Variants in PLSCR2 observed in about 807,000 individuals in gnomAD.
PLSCR2 encodes the protein PL scramblase 2.
PLSCR2 carries 18 observed loss-of-function variants against 25.3 expected under a neutral mutation model. The ratio of observed to expected loss-of-function variants is 0.71; its 90% CI spans 0.49 to 1.06. The LOEUF is 1.06. PLSCR2 is among the 50% of genes least tolerant of loss of function. PLSCR2 has a pLI of 0.00. For missense variants in PLSCR2, 243 were observed against 269.5 expected, an observed-to-expected ratio of 0.90 and a Z score of 0.69; for synonymous variants, 88 against 87.3, an observed-to-expected ratio of 1.01 and a Z score of -0.04.
chr3:146,447,552 A>AG (rs561751293), intron 6 of PLSCR2, among the ~76,000 whole-genome samples: 1 of 152,070 alleles, frequency 6.6e-6, no homozygotes, highest in Non-Finnish European at 1.5e-5. Context: ...ATTCTACTGT[A>AG]GGGGGGTGGT....
exon 2 of PLSCR2, chr3:146,459,954 G>A (rs1373620121): frequency 1.2e-6 from 2 of 1,614,136 alleles, no homozygotes; most frequent in Non-Finnish European, 1.7e-6. Context: ...AGGAATGCCA[G>A]CTGTGCCAGC....
intron 1 of PLSCR2, among the ~76,000 whole-genome samples, chr3:146,482,050 T>G (rs767592605): frequency 6.6e-6 from 1 of 152,170 alleles, no homozygotes; most frequent in Non-Finnish European, 1.5e-5. Flanking sequence ...CTGGATCCCT[T>G]CCTTACACCT....
intron 2 of PLSCR2, among the ~76,000 whole-genome samples, chr3:146,418,142 A>G (rs1447344746): frequency 6.6e-6 from 1 of 152,126 alleles, no homozygotes; most frequent in Non-Finnish European, 1.5e-5. Flanking sequence ...ACCTTTTTTC[A>G]TCTAGGTAAT....
intron 2 of PLSCR2, among the ~76,000 whole-genome samples, chr3:146,406,379 TC>T (rs1199574490): frequency 6.6e-6 from 1 of 152,126 alleles, no homozygotes; most frequent in Non-Finnish European, 1.5e-5. Context: ...GGTCGATACT[TC>T]CTGCTCCTGG....
At chr3:146,400,970 G>T (rs2038452027) in intron 2 of PLSCR2, among the ~76,000 whole-genome samples, 1 of 151,846 alleles carries the variant, frequency 6.6e-6, no homozygotes, top group Admixed American at 6.6e-5. Context: ...GGGAAAAAAT[G>T]GATCTCAACA....
chr3:146,452,129 T>G (rs1358724536), intron 5 of PLSCR2, among the ~76,000 whole-genome samples: 1 of 152,188 alleles, frequency 6.6e-6, no homozygotes, highest in East Asian at 1.9e-4. Context: ...ACTGAGACCT[T>G]AAACTGTGGT....
chr3:146,414,885 A>G (rs980089890), intron 2 of PLSCR2, among the ~76,000 whole-genome samples: 14 of 152,340 alleles, frequency 9.2e-5, no homozygotes, highest in African/African-American at 3.4e-4. Context: ...AGCATACTAA[A>G]AGGGCAGACC....
At chr3:146,439,142 C>G (rs1414353277), downstream of PLSCR2, among the ~76,000 whole-genome samples, 1 of 152,194 alleles carries the variant, frequency 6.6e-6, no homozygotes. Flanking sequence ...GCCGAGAGAT[C>G]TGCTGTTAGT....
intron 2 of PLSCR2, among the ~76,000 whole-genome samples, chr3:146,416,293 T>G: frequency 6.6e-6 from 1 of 152,220 alleles, no homozygotes; most frequent in East Asian, 1.9e-4. Flanking sequence ...AGGAAATAAA[T>G]TTGTATGTAA....
intron 1 of PLSCR2, among the ~76,000 whole-genome samples, chr3:146,495,211 C>T (rs533707321): frequency 6.6e-6 from 1 of 152,202 alleles, no homozygotes; most frequent in South Asian, 2.1e-4. Context: ...CTATGGCATT[C>T]GTTTTTCTTC....
chr3:146,471,912 A>G (rs566374476), intron 1 of PLSCR2, among the ~76,000 whole-genome samples: 2 of 152,264 alleles, frequency 1.3e-5, no homozygotes, highest in South Asian at 4.1e-4. Flanking sequence ...AACTTATTTA[A>G]GGTTGCTTTC....
intron 3 of PLSCR2, among the ~76,000 whole-genome samples, chr3:146,393,577 G>A (rs563033351): frequency 4.0e-5 from 6 of 151,658 alleles, no homozygotes; most frequent in Non-Finnish European, 4.4e-5. Context: ...TTGGGAGGCC[G>A]AGGCGGGCAG....
chr3:146,440,109 T>G (rs1020167965), downstream of PLSCR2, among the ~76,000 whole-genome samples: 3 of 152,090 alleles, frequency 2.0e-5, no homozygotes, highest in African/African-American at 7.2e-5. Context: ...GAACGGCAAA[T>G]GTTGCTGCCT....
At chr3:146,422,345 CAA>C (rs2039181425) in intron 2 of PLSCR2, among the ~76,000 whole-genome samples, 1 of 152,074 alleles carries the variant, frequency 6.6e-6, no homozygotes, top group Non-Finnish European at 1.5e-5. Flanking sequence ...AAATCCCACA[CAA>C]AGTGTTTTTG....
chr3:146,485,040 C>G (rs2043291043), intron 1 of PLSCR2, among the ~76,000 whole-genome samples: 1 of 151,402 alleles, frequency 6.6e-6, no homozygotes, highest in Non-Finnish European at 1.5e-5. Flanking sequence ...ATTCAGGAGA[C>G]CTATCTTCTG....
At chr3:146,467,642 T>C (rs1427013123) in intron 1 of PLSCR2, among the ~76,000 whole-genome samples, 1 of 151,838 alleles carries the variant, frequency 6.6e-6, no homozygotes, top group Non-Finnish European at 1.5e-5. Context: ...TATATAACAA[T>C]ACAAATGTAT....
intron 3 of PLSCR2, among the ~76,000 whole-genome samples, chr3:146,391,919 A>C (rs979846061): frequency 1.1e-4 from 16 of 152,150 alleles, no homozygotes; most frequent in African/African-American, 1.2e-4. Flanking sequence ...AATCAATCCC[A>C]AAATCTACCA....
intron 1 of PLSCR2, among the ~76,000 whole-genome samples, chr3:146,469,787 C>T (rs534530100): frequency 3.5e-5 from 5 of 144,092 alleles, no homozygotes; most frequent in East Asian, 4.2e-4. Flanking sequence ...CCCACCCCCC[C>T]ACGCCGTGTG....
intron 2 of PLSCR2, among the ~76,000 whole-genome samples, chr3:146,417,202 C>A (rs1226180506): frequency 6.6e-6 from 1 of 152,140 alleles, no homozygotes; most frequent in Non-Finnish European, 1.5e-5. Flanking sequence ...AATCCATCTA[C>A]AAACCCTGTT....
Sources: gnomAD v4.1 joint callset for allele counts (sites outside exome capture counted in the v4.1 genomes callset) on GRCh38, gnomAD v4.1.1 for gene constraint, MANE v1.5 for transcripts, NCBI Gene and HGNC (gene_info 2026-07-23, HGNC 2026-07-21) for gene names.